Variants in WIPF2 observed in about 807,000 individuals in gnomAD.
The protein encoded by WIPF2 is WAS/WASL-interacting protein family member 2.
Under a neutral mutation model 38.8 loss-of-function variants are expected in WIPF2, and 23 were observed. That is an observed-to-expected ratio of 0.59 (90% CI 0.43 to 0.84). WIPF2 has a LOEUF of 0.84. WIPF2 is among the 40% of genes least tolerant of loss of function. WIPF2 has a pLI of 0.00. For missense variants in WIPF2, 574 were observed against 580.5 expected (o/e 0.99, Z 0.11); for synonymous variants, 210 against 223.2 (o/e 0.94, Z 0.53).
chr17:40,247,286 C>G (rs2031403199), intron 1 of WIPF2, among the ~76,000 whole-genome samples: 1 of 126,796 alleles, frequency 7.9e-6, no homozygotes, highest in African/African-American at 2.9e-5. Flanking sequence ...GGCACAATCT[C>G]AGCTCACTGC....
chr17:40,239,173 G>A (rs370684192), intron 1 of WIPF2, among the ~76,000 whole-genome samples: 4 of 151,682 alleles, frequency 2.6e-5, no homozygotes, highest in African/African-American at 9.7e-5. Flanking sequence ...CCAGGTTCAC[G>A]CCATTCTCCT....
intron 1 of WIPF2, among the ~76,000 whole-genome samples, chr17:40,234,157 A>C (rs1289742566): frequency 6.6e-6 from 1 of 151,816 alleles, no homozygotes; most frequent in Non-Finnish European, 1.5e-5. Flanking sequence ...TCACAAGGTA[A>C]GGAGATTGAG....
intron 1 of WIPF2, among the ~76,000 whole-genome samples, chr17:40,248,840 A>AG (rs2031462460): frequency 6.6e-6 from 1 of 152,204 alleles, no homozygotes; most frequent in South Asian, 2.1e-4. Flanking sequence ...CTTTGTATTG[A>AG]GAAATGGTTT....
intron 7 of WIPF2, 39 bp from the exon 8 acceptor site, chr17:40,278,146 G>C (rs1215425465): frequency 8.1e-6 from 13 of 1,599,622 alleles, no homozygotes; most frequent in Non-Finnish European, 1.1e-5. Flanking sequence ...TCTGGTGGGT[G>C]ACCTGTATGT....
rs558142263 is a variant in WIPF2 at position 40,257,465 on chromosome 17, C to T, written c.63+943C>T. On this transcript the variant is annotated intron_variant, in intron 2 of 7. Transcript: ENST00000323571. ...AAAGCAATGTGATTTTTGAACCAAG[C>T]AGGAAGCTACTTTAGCCATACCTAG... Among the ~76,000 whole-genome samples the T allele has an allele frequency of 2.0e-5, 3 of 152,132 alleles. No homozygotes were observed. In the East Asian group the frequency reaches 5.8e-4, roughly 29 times the overall value.
chr17:40,273,672 G>T, intron 5 of WIPF2, 118 bp from the exon 6 acceptor site: 1 of 661,886 alleles, frequency 1.5e-6, no homozygotes, highest in South Asian at 1.7e-5. Flanking sequence ...GGACAAAGGG[G>T]AACCAGGCAC....
At chr17:40,273,587 A>G (rs2032304070) in intron 5 of WIPF2, 2 of 547,178 alleles carry the variant, frequency 3.7e-6, no homozygotes, top group South Asian at 2.4e-5. Context: ...ACTGACTGGT[A>G]GGAAATGTAA....
intron 5 of WIPF2, among the ~76,000 whole-genome samples, chr17:40,266,653 G>A (rs1463146150): frequency 2.6e-5 from 4 of 152,250 alleles, no homozygotes; most frequent in African/African-American, 9.6e-5. Context: ...ATTGTTGGAC[G>A]AAGATGTGGG....
intron 1 of WIPF2, among the ~76,000 whole-genome samples, chr17:40,221,563 ATC>A (rs988494335): frequency 1.3e-5 from 2 of 151,430 alleles, no homozygotes; most frequent in Non-Finnish European, 2.9e-5. Context: ...GCAATACCCC[ATC>A]TCTCTCTCTG....
intron 1 of WIPF2, among the ~76,000 whole-genome samples, chr17:40,255,872 C>T (rs1007247703): frequency 5.9e-5 from 9 of 151,416 alleles, no homozygotes; most frequent in Non-Finnish European, 1.2e-4. Flanking sequence ...GTGATCCACC[C>T]GCCTCGGCCT....
intron 6 of WIPF2, among the ~76,000 whole-genome samples, chr17:40,276,067 A>G (rs1241717977): frequency 6.6e-6 from 1 of 152,224 alleles, no homozygotes; most frequent in Non-Finnish European, 1.5e-5. Context: ...AAGCCATGAG[A>G]TGGCTGTCCC....
intron 5 of WIPF2, 42 bp downstream of exon 5, chr17:40,265,188 T>A (rs1439074624): frequency 1.9e-6 from 3 of 1,540,708 alleles, no homozygotes. Flanking sequence ...ATGCTGTGAG[T>A]TGATTTTATC....
At chr17:40,233,852 T>C (rs1274594279) in intron 1 of WIPF2, among the ~76,000 whole-genome samples, 1 of 151,332 alleles carries the variant, frequency 6.6e-6, no homozygotes, top group Non-Finnish European at 1.5e-5. Context: ...TCACCTGAGG[T>C]TGGGAGTTCG....
chr17:40,224,498 G>A (rs549902109), intron 1 of WIPF2, among the ~76,000 whole-genome samples: 2 of 147,564 alleles, frequency 1.4e-5, no homozygotes, highest in Non-Finnish European at 3.0e-5. Flanking sequence ...CACCCGCCTC[G>A]GCCTCCCAAA....
Position 40,219,511 on chromosome 17 carries a change from C to T in WIPF2, c.-70+19C>T, listed in dbSNP as rs1288505056. On this transcript the variant is annotated intron_variant, in intron 1 of 7. Coordinates refer to ENST00000323571, the MANE Select transcript of WIPF2 (RefSeq NM_133264.5). ...CGGCCAGGTCGGAAAGAGGCCGGGG[C>T]GGCTGGGTCAGTCGCTGAAATGACC... The T allele has an allele frequency of 7.2e-6, 1 of 138,836 alleles. No homozygotes were observed. The highest frequency in any genetic ancestry group is 1.5e-5 in the Non-Finnish European group (1 of 66,960). The allele number at this position is 138,836 out of a possible 1,614,324, so 8.6% of individuals were successfully genotyped here.
In WIPF2 at chr17:40,282,577, CA is replaced by C. The variant is rs1337344703; in HGVS notation, c.*4353del. Reference sequence around the variant, plus strand: ...TTACAGTGCTCCCTCTCCCAAATAGCATTGATTTTTTCCCCCCTCTAAAATG... The same window carrying C: ...TTACAGTGCTCCCTCTCCCAAATAGCTTGATTTTTTCCCCCCTCTAAAATG... On this transcript the variant is annotated 3_prime_UTR_variant, in exon 8 of 8. Coordinates refer to ENST00000323571, the MANE Select transcript of WIPF2 (RefSeq NM_133264.5). 6.6e-6 allele frequency: 1 copy of C among 152,216 alleles called. No homozygotes were observed. Among genetic ancestry groups the C allele is most frequent in the Admixed American group, 6.5e-5 (1 of 15,284 alleles). The allele number at this position is 152,216 out of a possible 1,614,324, so 9.4% of individuals were successfully genotyped here. A position where few individuals can be genotyped will look rare whatever the true frequency, so the allele number is the denominator to read the frequency against.
intron 1 of WIPF2, among the ~76,000 whole-genome samples, chr17:40,255,873 G>A (rs1426972268): frequency 6.1e-5 from 9 of 146,878 alleles, no homozygotes; most frequent in Admixed American, 2.0e-4. Context: ...TGATCCACCC[G>A]CCTCGGCCTC....
intron 1 of WIPF2, chr17:40,220,614 TATATGTATATATATATA>T (rs2030180789): frequency 9.9e-6 from 1 of 101,430 alleles, no homozygotes; most frequent in Non-Finnish European, 1.9e-5. Context: ...TATATATATA[TATATGTATATATATATA>T]TTTTTTTGTT....
chr17:40,276,055 A>G (rs2032389327), intron 6 of WIPF2, among the ~76,000 whole-genome samples: 1 of 152,238 alleles, frequency 6.6e-6, no homozygotes, highest in African/African-American at 2.4e-5. Flanking sequence ...AAGTAGTAGT[A>G]GAAGCCATGA....
Sources: gnomAD v4.1 joint callset for allele counts (sites outside exome capture counted in the v4.1 genomes callset) on GRCh38, gnomAD v4.1.1 for gene constraint, MANE v1.5 for transcripts, NCBI Gene and HGNC (gene_info 2026-07-23, HGNC 2026-07-21) for gene names.